The following NAALADL2 variants were observed in gnomAD, a reference collection of about 807,000 sequenced individuals.
NAALADL2 encodes the protein inactive N-acetylated-alpha-linked acidic dipeptidase-like protein 2.
NAALADL2 carries 76 observed loss-of-function variants against 87.2 expected under a neutral mutation model. The observed-to-expected ratio is 0.87, with a 90% CI of 0.72 to 1.05. The LOEUF (loss-of-function observed/expected upper bound fraction) is 1.05. Ranked by LOEUF, NAALADL2 falls within the 50% of genes least tolerant of loss-of-function variation. NAALADL2 has a pLI of 0.00. For missense variants in NAALADL2, 1,089 were observed against 945.8 expected (o/e 1.15, Z -1.99); for synonymous variants, 354 against 331.0 (o/e 1.07, Z -0.75).
chr3:175,212,521 AG>A (rs1741908134), intron 2 of NAALADL2, among the ~76,000 whole-genome samples: 2 of 152,030 alleles, frequency 1.3e-5, no homozygotes, highest in African/African-American at 2.4e-5. Flanking sequence ...ATCAGGAATC[AG>A]GAAAGACCAT....
chr3:175,610,763 G>T (rs1724522836), intron 10 of NAALADL2, among the ~76,000 whole-genome samples: 1 of 152,080 alleles, frequency 6.6e-6, no homozygotes, highest in Non-Finnish European at 1.5e-5. Flanking sequence ...CACTGGAGAT[G>T]CAGTTTAATA....
At chr3:174,738,035 C>G (rs973797398) in intron 3 of NAALADL2, among the ~76,000 whole-genome samples, 4 of 151,974 alleles carry the variant, frequency 2.6e-5, no homozygotes, top group African/African-American at 9.7e-5. Context: ...AATTCTCTGT[C>G]TATAATTGTA....
At chr3:175,584,432 A>G (rs778856049) in intron 10 of NAALADL2, among the ~76,000 whole-genome samples, 18 of 152,206 alleles carry the variant, frequency 1.2e-4, no homozygotes, top group Non-Finnish European at 2.2e-4. Context: ...TAGAATCAAG[A>G]TTCCAACCTA....
intron 11 of NAALADL2, among the ~76,000 whole-genome samples, chr3:175,632,426 G>A (rs1727925160): frequency 6.6e-6 from 1 of 151,852 alleles, no homozygotes; most frequent in Admixed American, 6.6e-5. Flanking sequence ...TCACCAGAGA[G>A]GTGACATTTG....
chr3:175,449,780 G>T (rs1721273997), intron 6 of NAALADL2, among the ~76,000 whole-genome samples: 1 of 152,046 alleles, frequency 6.6e-6, no homozygotes, highest in African/African-American at 2.4e-5. Context: ...TTAACAACAG[G>T]CATGAAGCCT....
At chr3:175,216,926 C>T (rs1374478941) in intron 2 of NAALADL2, among the ~76,000 whole-genome samples, 1 of 152,046 alleles carries the variant, frequency 6.6e-6, no homozygotes, top group African/African-American at 2.4e-5. Context: ...CTCAGCCTCC[C>T]AAAGGGTTGG....
intron 3 of NAALADL2, among the ~76,000 whole-genome samples, chr3:174,839,050 C>A (rs557569495): frequency 5.9e-5 from 9 of 152,152 alleles, no homozygotes; most frequent in African/African-American, 1.9e-4. Context: ...CAAGACTAAG[C>A]AAAAAGAAGA....
chr3:175,810,483 AGTTTGTACGTGAAAT>A lies in NAALADL2; in HGVS notation c.*7284_*7298del, dbSNP rs1293503247. The A allele has an allele frequency of 7.2e-4, 109 of 152,138 alleles. 1 individual carries two copies. The highest frequency in any genetic ancestry group is 7.1e-3 in the Admixed American group (108 of 15,242). 9.4% of individuals were successfully genotyped at this position (152,138 alleles called of 1,614,324 possible). A position where few individuals can be genotyped will look rare whatever the true frequency, so the allele number is the denominator to read the frequency against. ...CGTGTTCTGAATCATAATTTTCATGAGTTTGTACGTGAAATGTTAATGTTTAAAACACCCATTTTG... is the reference window on the plus strand; with the variant it reads ...CGTGTTCTGAATCATAATTTTCATGAGTTAATGTTTAAAACACCCATTTTG... On this transcript the variant is annotated 3_prime_UTR_variant, in exon 14 of 14. Transcript: ENST00000454872.
intron 4 of NAALADL2, among the ~76,000 whole-genome samples, chr3:175,292,319 C>T (rs1217521772): frequency 2.0e-5 from 3 of 152,148 alleles, no homozygotes; most frequent in African/African-American, 7.2e-5. Flanking sequence ...TCGAGGACTA[C>T]TTTGATTTAT....
At chr3:175,722,785 A>G (rs537683186) in intron 11 of NAALADL2, among the ~76,000 whole-genome samples, 1 of 152,272 alleles carries the variant, frequency 6.6e-6, no homozygotes, top group East Asian at 1.9e-4. Context: ...TCTGGCACAT[A>G]GTAGATTTTC....
intron 2 of NAALADL2, among the ~76,000 whole-genome samples, chr3:175,133,418 C>G (rs1467767451): frequency 2.0e-5 from 3 of 152,194 alleles, no homozygotes; most frequent in Non-Finnish European, 4.4e-5. Context: ...CCACTGCACT[C>G]CAGCCTGGGC....
At chr3:175,159,374 C>T (rs760987106) in intron 2 of NAALADL2, among the ~76,000 whole-genome samples, 5 of 152,068 alleles carry the variant, frequency 3.3e-5, no homozygotes, top group Admixed American at 6.6e-5. Context: ...TGTGTCTGAG[C>T]CTATAAAGAT....
intron 5 of NAALADL2, among the ~76,000 whole-genome samples, chr3:175,382,139 T>G (rs1372470903): frequency 6.6e-6 from 1 of 152,174 alleles, no homozygotes; most frequent in East Asian, 1.9e-4. Flanking sequence ...CCTTCCAGGA[T>G]AAAAGCATAC....
At chr3:175,215,077 A>G (rs986281179) in intron 2 of NAALADL2, among the ~76,000 whole-genome samples, 1 of 152,112 alleles carries the variant, frequency 6.6e-6, no homozygotes, top group African/African-American at 2.4e-5. Context: ...GTTACTTGAT[A>G]TCTACAAGTA....
intron 9 of NAALADL2, among the ~76,000 whole-genome samples, chr3:175,560,640 T>C (rs984822647): frequency 6.6e-6 from 1 of 152,182 alleles, no homozygotes; most frequent in East Asian, 1.9e-4. Flanking sequence ...CTTCTTTCAC[T>C]GTATCCCCTG....
intron 2 of NAALADL2, among the ~76,000 whole-genome samples, chr3:174,676,727 A>G (rs1161659038): frequency 2.6e-5 from 4 of 151,952 alleles, no homozygotes; most frequent in African/African-American, 7.2e-5. Flanking sequence ...ATTTATTGTC[A>G]TTATCTTTCA....
chr3:174,443,501 T>C (rs1213465696), intron 1 of NAALADL2, among the ~76,000 whole-genome samples: 1 of 152,124 alleles, frequency 6.6e-6, no homozygotes, highest in Non-Finnish European at 1.5e-5. Context: ...TGGATTTGGA[T>C]ATGTTAGGTG....
chr3:175,618,744 T>C (rs1725722707), intron 10 of NAALADL2, among the ~76,000 whole-genome samples: 1 of 152,090 alleles, frequency 6.6e-6, no homozygotes. Context: ...CCCTTGCAAG[T>C]GCTGCCCAGG....
intron 4 of NAALADL2, among the ~76,000 whole-genome samples, chr3:175,262,474 A>G (rs1751206900): frequency 1.3e-5 from 2 of 151,998 alleles, no homozygotes; most frequent in Admixed American, 6.6e-5. Flanking sequence ...TAAAATCTGT[A>G]GATGCATTTA....
Sources: gnomAD v4.1 joint callset for allele counts (sites outside exome capture counted in the v4.1 genomes callset) on GRCh38, gnomAD v4.1.1 for gene constraint, MANE v1.5 for transcripts, NCBI Gene and HGNC (gene_info 2026-07-23, HGNC 2026-07-21) for gene names.